The following IL22RA2 variants were observed in gnomAD, a reference collection of about 807,000 sequenced individuals.
IL22RA2 encodes interleukin 22 receptor subunit alpha 2.
A neutral mutation model predicts 30.7 loss-of-function variants in IL22RA2; 39 were observed. That is an observed-to-expected ratio of 1.27 (90% CI 0.98 to 1.66). The LOEUF (loss-of-function observed/expected upper bound fraction) is 1.66, where lower values mean the gene tolerates loss of function less well. Ranked by LOEUF, IL22RA2 falls within the 40% of genes most tolerant of loss-of-function variation. The probability of loss-of-function intolerance (pLI) is 0.00; values close to 1 mark genes in which losing one functional copy is unlikely to be tolerated. For missense variants in IL22RA2, 315 were observed against 312.7 expected (o/e 1.01, Z -0.05); for synonymous variants, 103 against 105.0 (o/e 0.98, Z 0.11).
chr6:137,159,493 T>C (rs1778477685), intron 2 of IL22RA2, among the ~76,000 whole-genome samples: 1 of 152,116 alleles, frequency 6.6e-6, no homozygotes, highest in South Asian at 2.1e-4. Flanking sequence ...GCTAATTTTT[T>C]TGTATTTTTA....
At chr6:137,161,609 A>T in intron 2 of IL22RA2, 80 bp downstream of exon 2, 1 of 1,170,186 alleles carries the variant, frequency 8.5e-7, no homozygotes, top group East Asian at 2.4e-5. Context: ...TCAAAAAAGC[A>T]CCAGTGCCAT....
chr6:137,146,499 C>A (rs187835181), intron 6 of IL22RA2, among the ~76,000 whole-genome samples: 1 of 152,106 alleles, frequency 6.6e-6, no homozygotes, highest in African/African-American at 2.4e-5. Flanking sequence ...CTAAGGCTGC[C>A]GGCACTCTAC....
chr6:137,145,063 GATTC>G lies in IL22RA2; in HGVS notation c.*557_*560del, dbSNP rs1375872241. On this transcript the variant is annotated 3_prime_UTR_variant, in exon 7 of 7. Transcript: ENST00000296980. ...AAAGTAGACTTTAAAACAAAATTTT[GATTC>G]ATTAAGTAGAAATATTTAATAATAA... The G allele has an allele frequency of 1.3e-5, 2 of 151,030 alleles. No individual in the cohort carries two copies. Among genetic ancestry groups the G allele is most frequent in the African/African-American group, 4.9e-5 (2 of 41,190 alleles). The allele number at this position is 151,030 out of a possible 1,614,324, so 9.4% of individuals were successfully genotyped here.
At chr6:137,146,514 T>C (rs1228024496) in intron 6 of IL22RA2, among the ~76,000 whole-genome samples, 1 of 152,214 alleles carries the variant, frequency 6.6e-6, no homozygotes. Context: ...CTCTACGTCC[T>C]GCCTCTGTCC....
At position 137,145,832 on chromosome 6, in the gene IL22RA2, A is replaced by C; in HGVS notation, c.643-59T>G. The stretch of plus-strand genomic sequence containing the variant: ...ATGGCTGCCATTAAGTCACAGCTGC[A>C]TTTTTGTTTAAATTAACAAGTTGTA... On this transcript the variant is annotated intron_variant, in intron 6 of 6. Coordinates refer to ENST00000296980, the MANE Select transcript of IL22RA2 (RefSeq NM_052962.3). The C allele has an allele frequency of 3.1e-6, 5 of 1,588,652 alleles. No homozygotes were observed. In the South Asian group the frequency reaches 5.6e-5, roughly 18 times the overall value.
At chr6:137,158,267 G>A (rs771233722) in intron 3 of IL22RA2, 80 bp downstream of exon 3, 5 of 1,541,804 alleles carry the variant, frequency 3.2e-6, no homozygotes, top group Non-Finnish European at 4.4e-6. Flanking sequence ...AAAAAGCTCG[G>A]ATCCTAACAC....
chr6:137,155,870 T>G (rs2114368500), intron 4 of IL22RA2, among the ~76,000 whole-genome samples: 1 of 152,348 alleles, frequency 6.6e-6, no homozygotes, highest in South Asian at 2.1e-4. Flanking sequence ...ACTTCCATTT[T>G]TGAATACTCA....
At chr6:137,170,081 G>A (rs992481357) in intron 1 of IL22RA2, among the ~76,000 whole-genome samples, 2 of 152,266 alleles carry the variant, frequency 1.3e-5, no homozygotes, top group Middle Eastern at 3.4e-3. Context: ...CTAATCGGAA[G>A]CATCCAATCC....
intron 3 of IL22RA2, 118 bp downstream of exon 3, chr6:137,158,229 G>A: frequency 4.1e-6 from 5 of 1,218,356 alleles, no homozygotes; most frequent in Non-Finnish European, 5.8e-6. Flanking sequence ...CCTGACCTTG[G>A]CTTCTTCTCA....
chr6:137,145,859 A>G (rs1310037763), intron 6 of IL22RA2, 86 bp from the exon 7 acceptor site: 3 of 1,401,488 alleles, frequency 2.1e-6, no homozygotes, highest in East Asian at 2.3e-5. Context: ...CAAGTTGTAC[A>G]TGGTCACAGC....
At chr6:137,168,032 T>A (rs921788571) in intron 1 of IL22RA2, among the ~76,000 whole-genome samples, 1 of 152,238 alleles carries the variant, frequency 6.6e-6, no homozygotes, top group Non-Finnish European at 1.5e-5. Context: ...CCAAGCTTGT[T>A]GCCCAGAAAG....
chr6:137,165,177 T>C (rs1324013056), intron 1 of IL22RA2, among the ~76,000 whole-genome samples: 1 of 152,064 alleles, frequency 6.6e-6, no homozygotes, highest in Non-Finnish European at 1.5e-5. Context: ...CTAAATGGAA[T>C]AAACGCTGGA....
intron 5 of IL22RA2, among the ~76,000 whole-genome samples, chr6:137,148,237 G>A (rs1400828637): frequency 6.6e-6 from 1 of 152,026 alleles, no homozygotes; most frequent in Admixed American, 6.6e-5. Flanking sequence ...TTGTTTGTTT[G>A]GTTGGTTGGT....
intron 6 of IL22RA2, among the ~76,000 whole-genome samples, chr6:137,146,183 C>A (rs921299087): frequency 2.6e-5 from 4 of 152,090 alleles, no homozygotes; most frequent in Admixed American, 2.0e-4. Flanking sequence ...AGACGCATAC[C>A]ACCACGCCTG....
rs148514803 is a variant in IL22RA2 at position 137,156,451 on chromosome 6, T to C, written c.293+308A>G. Reference sequence around the variant, plus strand: ...ATATATTGAGTATAATTTGATGTTTTAAAATTATTATTTATTTATAATAAG... The same window carrying C: ...ATATATTGAGTATAATTTGATGTTTCAAAATTATTATTTATTTATAATAAG... On this transcript the variant is annotated intron_variant, in intron 4 of 6. Transcript: ENST00000296980. 1.7e-3 allele frequency among the ~76,000 whole-genome samples: 261 copies of C among 152,352 alleles called. 2 individuals are homozygous for C. Among genetic ancestry groups the C allele is most frequent in the Non-Finnish European group, 2.8e-4 (19 of 68,036 alleles).
Position 137,145,536 on chromosome 6 carries a change from A to G in IL22RA2, c.*88T>C, listed in dbSNP as rs1778159759. On this transcript the variant is annotated 3_prime_UTR_variant, in exon 7 of 7. Transcript: ENST00000296980. ...TATTGCTTTAAGAAAATACAAAAAC[A>G]ATTTTAAATAAGATCCTTCAAACAC... The G allele has an allele frequency of 2.4e-6, 3 of 1,262,000 alleles. No homozygotes were observed. The allele number at this position is 1,262,000 out of a possible 1,614,324, so 78.2% of individuals were successfully genotyped here.
intron 5 of IL22RA2, among the ~76,000 whole-genome samples, chr6:137,154,505 C>T (rs182724690): frequency 6.6e-6 from 1 of 152,236 alleles, no homozygotes; most frequent in East Asian, 1.9e-4. Flanking sequence ...ATCCTAGCTA[C>T]TCGGGAGGCA....
rs549159767 is a variant in IL22RA2 at position 137,145,243 on chromosome 6, G to C, written c.*381C>G. On this transcript the variant is annotated 3_prime_UTR_variant, in exon 7 of 7. Transcript: ENST00000296980. ...CTTCAGGACCGCCTCAGTCTGTAAT[G>C]CTATTTTAAAAAAATTATTTCAACA... 1.0e-3 allele frequency: 164 copies of C among 159,856 alleles called. 1 individual carries two copies. The highest frequency in any genetic ancestry group is 8.9e-3 in the South Asian group (49 of 5,530). The allele number at this position is 159,856 out of a possible 1,614,324, so 9.9% of individuals were successfully genotyped here. A position where few individuals can be genotyped will look rare whatever the true frequency, so the allele number is the denominator to read the frequency against.
chr6:137,162,532 G>A (rs1221228671), intron 1 of IL22RA2, among the ~76,000 whole-genome samples: 1 of 152,176 alleles, frequency 6.6e-6, no homozygotes, highest in African/African-American at 2.4e-5. Context: ...CACTCCTTTT[G>A]AGCTACATTA....
Sources: allele counts gnomAD v4.1 joint callset (sites outside exome capture counted in the v4.1 genomes callset), GRCh38; gene constraint gnomAD v4.1.1; transcripts MANE v1.5; gene names NCBI Gene and HGNC (gene_info 2026-07-23, HGNC 2026-07-21).